PCDHA11: variants seen among roughly 807,000 people sequenced by gnomAD.
The protein encoded by PCDHA11 is protocadherin alpha-11.
In PCDHA11, 61 loss-of-function variants were observed where a neutral mutation model predicts 70.3. That is an observed-to-expected ratio of 0.87 (90% CI 0.71 to 1.07). The LOEUF is 1.07. Among genes scored for constraint, PCDHA11 ranks in the 50% least tolerant of loss-of-function variants. The pLI is 0.00. For synonymous variants in PCDHA11, 633 were observed against 555.1 expected (o/e 1.14, Z -1.97); for missense variants, 1,324 against 1,237.5 (o/e 1.07, Z -1.05).
intron 3 of PCDHA11, among the ~76,000 whole-genome samples, chr5:141,003,559 T>C (rs2098129977): frequency 6.6e-6 from 1 of 152,106 alleles, no homozygotes; most frequent in Admixed American, 6.5e-5. Context: ...GTGATCCACC[T>C]GCCTCAGACT....
At chr5:140,976,691 C>G (rs1219355793) in intron 1 of PCDHA11, among the ~76,000 whole-genome samples, 1 of 152,126 alleles carries the variant, frequency 6.6e-6, no homozygotes. Context: ...AATTTAAGTA[C>G]AATAATGTTG....
chr5:140,986,945 C>T (rs1295830111), intron 3 of PCDHA11, among the ~76,000 whole-genome samples: 1 of 151,946 alleles, frequency 6.6e-6, no homozygotes, highest in Non-Finnish European at 1.5e-5. Flanking sequence ...TGGGTGTGGT[C>T]GCTCATGCCT....
intron 1 of PCDHA11, chr5:140,884,495 A>T: frequency 6.2e-7 from 1 of 1,614,034 alleles, no homozygotes; most frequent in Non-Finnish European, 8.5e-7. Flanking sequence ...AGTGTGCTCC[A>T]GCGCGGCAGG....
intron 1 of PCDHA11, chr5:140,875,854 G>T: frequency 1.2e-6 from 2 of 1,614,160 alleles, no homozygotes; most frequent in East Asian, 4.5e-5. Flanking sequence ...GGACATTAAC[G>T]ACAACCCGCC....
At chr5:140,981,077 G>C (rs1178580802) in intron 2 of PCDHA11, among the ~76,000 whole-genome samples, 1 of 152,168 alleles carries the variant, frequency 6.6e-6, no homozygotes, top group Non-Finnish European at 1.5e-5. Flanking sequence ...GGGAAGAATA[G>C]TAAAAGGTCA....
At chr5:140,893,083 T>C (rs2063812039) in intron 1 of PCDHA11, among the ~76,000 whole-genome samples, 1 of 152,266 alleles carries the variant, frequency 6.6e-6, no homozygotes, top group Non-Finnish European at 1.5e-5. Flanking sequence ...GATTTCATTC[T>C]TTTTTATGGC....
intron 3 of PCDHA11, among the ~76,000 whole-genome samples, chr5:141,004,676 G>C (rs1198896698): frequency 6.6e-6 from 1 of 152,168 alleles, no homozygotes; most frequent in Non-Finnish European, 1.5e-5. Context: ...AAGGACTGTG[G>C]AGTGGTGCTG....
At chr5:140,883,986 C>T in intron 1 of PCDHA11, 1 of 1,612,808 alleles carries the variant, frequency 6.2e-7, no homozygotes, top group Non-Finnish European at 8.5e-7. Flanking sequence ...GCTGGCAGCG[C>T]GGGAGGCACA....
At chr5:140,933,731 A>G (rs1210438420) in intron 1 of PCDHA11, among the ~76,000 whole-genome samples, 2 of 151,958 alleles carry the variant, frequency 1.3e-5, no homozygotes, top group East Asian at 1.9e-4. Context: ...CAGCTTTCTT[A>G]AATATTTGGT....
rs1563186680 is a variant in PCDHA11 at position 140,941,223 on chromosome 5, C to CTTTCTT, written c.2392-37724_2392-37719dup. Among the ~76,000 whole-genome samples the CTTTCTT allele has an allele frequency of 6.9e-4, 92 of 132,548 alleles. 1 individual carries two copies. The highest frequency in any genetic ancestry group is 2.7e-3 in the African/African-American group (88 of 33,182). The allele number at this position is 132,548 out of a possible 152,430, so 87.0% of individuals were successfully genotyped here. A position where few individuals can be genotyped will look rare whatever the true frequency, so the allele number is the denominator to read the frequency against. ...TCTTCCTTTCTTTCTTCCTTTCTTT[C>CTTTCTT]TTTCTTTCTTTCTTTCTTTCTTTCT... On this transcript the variant is annotated intron_variant, in intron 1 of 3. Coordinates refer to ENST00000398640, the MANE Select transcript of PCDHA11 (RefSeq NM_018902.5).
chr5:140,969,508 A>C, intron 1 of PCDHA11: 2 of 1,424,370 alleles, frequency 1.4e-6, no homozygotes, highest in South Asian at 1.5e-5. Context: ...GAAAAATAGC[A>C]CTAAAGAATT....
chr5:140,900,502 C>T (rs1242310833), intron 1 of PCDHA11, among the ~76,000 whole-genome samples: 3 of 152,184 alleles, frequency 2.0e-5, no homozygotes, highest in Non-Finnish European at 4.4e-5. Context: ...GTCTCAAATT[C>T]CCAGCCTCAG....
intron 1 of PCDHA11, among the ~76,000 whole-genome samples, chr5:140,912,823 G>C (rs2076078264): frequency 6.6e-6 from 1 of 152,090 alleles, no homozygotes; most frequent in Non-Finnish European, 1.5e-5. Context: ...AAGGGATTTT[G>C]AATTTTATTA....
chr5:140,877,867 T>A lies in PCDHA11; in HGVS notation c.2391+6373T>A, dbSNP rs782120587. 4.7e-6 allele frequency: 7 copies of A among 1,490,888 alleles called. No individual in the cohort carries two copies. The Admixed American group carries it at 1.7e-4, about 37-fold the overall frequency. 92.4% of individuals were successfully genotyped at this position (1,490,888 alleles called of 1,614,324 possible). A position where few individuals can be genotyped will look rare whatever the true frequency, so the allele number is the denominator to read the frequency against. On this transcript the variant is annotated intron_variant, in intron 1 of 3. Coordinates refer to ENST00000398640, the MANE Select transcript of PCDHA11 (RefSeq NM_018902.5). ...AAGTTATTAATATTATTTAGATATA[T>A]TTGTTTCCTTGAAGAACTTCCGTTT...
At chr5:140,884,321 G>A in intron 1 of PCDHA11, 1 of 1,613,854 alleles carries the variant, frequency 6.2e-7, no homozygotes, top group Non-Finnish European at 8.5e-7. Context: ...GGCGTCGGCA[G>A]GCGCTGTGGG....
intron 1 of PCDHA11, chr5:140,883,801 C>G: frequency 3.1e-6 from 5 of 1,612,430 alleles, no homozygotes; most frequent in Non-Finnish European, 4.2e-6. Flanking sequence ...TGTCGGTGCA[C>G]GCGGAGAGCG....
intron 1 of PCDHA11, among the ~76,000 whole-genome samples, chr5:140,952,726 A>C (rs2094788337): frequency 6.6e-6 from 1 of 152,188 alleles, no homozygotes; most frequent in African/African-American, 2.4e-5. Context: ...TTTCTGTACT[A>C]GTCTTTTCTC....
intron 1 of PCDHA11, among the ~76,000 whole-genome samples, chr5:140,933,899 G>T (rs2089496307): frequency 6.6e-6 from 1 of 151,508 alleles, no homozygotes; most frequent in African/African-American, 2.4e-5. Flanking sequence ...TGAATATTTT[G>T]GCATAAAGTT....
At chr5:140,921,621 A>G (rs1274986378) in intron 1 of PCDHA11, among the ~76,000 whole-genome samples, 1 of 152,222 alleles carries the variant, frequency 6.6e-6, no homozygotes, top group African/African-American at 2.4e-5. Context: ...ATATCATCAG[A>G]TCATCATTAT....
Sources: gnomAD v4.1 joint callset for allele counts (sites outside exome capture counted in the v4.1 genomes callset) on GRCh38, gnomAD v4.1.1 for gene constraint, MANE v1.5 for transcripts, NCBI Gene and HGNC (gene_info 2026-07-23, HGNC 2026-07-21) for gene names.